LRRC63: variants seen among roughly 807,000 people sequenced by gnomAD.
The protein encoded by LRRC63 is leucine-rich repeat-containing protein 63.
In LRRC63, 40 loss-of-function variants were observed where a neutral mutation model predicts 49.5. The ratio of observed to expected loss-of-function variants is 0.81; its 90% CI spans 0.63 to 1.05. LRRC63 has a LOEUF of 1.05. Ranked by LOEUF, LRRC63 falls within the 50% of genes least tolerant of loss-of-function variation. The pLI, the probability that LRRC63 is intolerant of heterozygous loss-of-function variation, is 0.00. For synonymous variants in LRRC63, 191 were observed against 221.1 expected (o/e 0.86, Z 1.21); for missense variants, 636 against 663.1 (o/e 0.96, Z 0.45).
intron 4 of LRRC63, 136 bp downstream of exon 4, chr13:46,228,869 C>T: frequency 3.4e-6 from 2 of 594,760 alleles, no homozygotes; most frequent in African/African-American, 1.9e-5. Context: ...TCATTTTCAG[C>T]TCCCTAAGTC....
chr13:46,227,930 T>C, exon 3 of LRRC63: 2 of 1,550,624 alleles, frequency 1.3e-6, no homozygotes, highest in Non-Finnish European at 1.7e-6. Flanking sequence ...CAGTTATCGC[T>C]CAAAAACTTG....
chr13:46,237,721 A>C (rs1177614156), intron 5 of LRRC63, among the ~76,000 whole-genome samples: 1 of 152,170 alleles, frequency 6.6e-6, no homozygotes, highest in Non-Finnish European at 1.5e-5. Context: ...TAAAAGAGAG[A>C]GAATGTACAA....
chr13:46,270,181 C>G, intron 9 of LRRC63: 1 of 763,880 alleles, frequency 1.3e-6, no homozygotes, highest in East Asian at 2.5e-5. Flanking sequence ...CTTGTAAGGA[C>G]CACTGTATAC....
At position 46,241,824 on chromosome 13, in the gene LRRC63, T is replaced by C. The variant is rs997807342; in HGVS notation, c.991-4703T>C. 1.5e-4 allele frequency among the ~76,000 whole-genome samples: 23 copies of C among 151,944 alleles called. 1 individual carries two copies. The highest frequency in any genetic ancestry group is 1.4e-3 in the Admixed American group (22 of 15,262). On this transcript the variant is annotated intron_variant, in intron 5 of 9. Coordinates refer to ENST00000595396, the Ensembl canonical transcript of LRRC63. ...ACTAAAAAGAAAAAAAAATAACAGA[T>C]GCTGTTGAGGTTGTGGAGAAAAAGG...
At chr13:46,236,157 A>G (rs2046898090) in intron 5 of LRRC63, among the ~76,000 whole-genome samples, 1 of 152,000 alleles carries the variant, frequency 6.6e-6, no homozygotes, top group South Asian at 2.1e-4. Context: ...AATGAACACA[A>G]CCTAAGGGAC....
chr13:46,228,655 A>G lies in LRRC63; in HGVS notation c.764-10A>G, dbSNP rs2046649065. The stretch of plus-strand genomic sequence containing the variant: ...TCCAAAGTCATCCCATTTGTTTTTC[A>G]TTTTTCTAGAAACTCTTGTAACAGA... On this transcript the variant is annotated splice_polypyrimidine_tract_variant and intron_variant, in intron 3 of 9. Coordinates refer to ENST00000595396, the Ensembl canonical transcript of LRRC63. 6.6e-7 allele frequency: 1 copy of G among 1,521,448 alleles called. No homozygotes were observed. Among genetic ancestry groups the G allele is most frequent in the East Asian group, 2.5e-5 (1 of 40,680 alleles). 94.2% of individuals were successfully genotyped at this position (1,521,448 alleles called of 1,614,324 possible). A position where few individuals can be genotyped will look rare whatever the true frequency, so the allele number is the denominator to read the frequency against.
intron 4 of LRRC63, among the ~76,000 whole-genome samples, chr13:46,229,802 T>C (rs576215754): frequency 6.6e-6 from 1 of 152,134 alleles, no homozygotes; most frequent in African/African-American, 2.4e-5. Context: ...ACTGGATAAT[T>C]TATAGGGAAG....
chr13:46,272,530 CATT>C (rs1441248864), intron 9 of LRRC63, among the ~76,000 whole-genome samples: 1 of 152,126 alleles, frequency 6.6e-6, no homozygotes, highest in Non-Finnish European at 1.5e-5. Context: ...CATCATGTAT[CATT>C]GTTGGTACTA....
chr13:46,227,951 C>T, exon 3 of LRRC63: 1 of 1,550,756 alleles, frequency 6.4e-7, no homozygotes, highest in Non-Finnish European at 8.7e-7. Flanking sequence ...AGAAAATGCA[C>T]CCTAAGCATC....
At chr13:46,228,799 G>A in intron 4 of LRRC63, 66 bp downstream of exon 4, 1 of 1,141,106 alleles carries the variant, frequency 8.8e-7, no homozygotes, top group Non-Finnish European at 1.3e-6. Context: ...AAAAAATTAT[G>A]GGTGATTTTT....
At chr13:46,220,531 G>A (rs1254156252) in intron 2 of LRRC63, among the ~76,000 whole-genome samples, 6 of 152,228 alleles carry the variant, frequency 3.9e-5, no homozygotes, top group Admixed American at 1.3e-4. Context: ...GGATTAGCTT[G>A]CTCAGCTCCA....
intron 8 of LRRC63, among the ~76,000 whole-genome samples, chr13:46,266,202 A>T (rs908956341): frequency 1.3e-5 from 2 of 152,214 alleles, no homozygotes; most frequent in African/African-American, 4.8e-5. Context: ...AAAATAAGAA[A>T]ATCAGTAATG....
At chr13:46,276,731 A>G in exon 10 of LRRC63, 3 of 1,228,764 alleles carry the variant, frequency 2.4e-6, no homozygotes, top group Non-Finnish European at 3.0e-6. Flanking sequence ...GAATAAAGGA[A>G]AGCAGTTTTG....
chr13:46,261,966 T>C, exon 8 of LRRC63: 1 of 1,171,190 alleles, frequency 8.5e-7, no homozygotes, highest in Non-Finnish European at 1.1e-6. Flanking sequence ...AACTTACTTT[T>C]ATTCCAAATG....
chr13:46,231,959 G>T (rs191310582), intron 4 of LRRC63, among the ~76,000 whole-genome samples: 74 of 151,996 alleles, frequency 4.9e-4, no homozygotes, highest in African/African-American at 1.6e-3. Flanking sequence ...AGGACTACAG[G>T]CGCCCGCCAC....
At chr13:46,273,689 A>C (rs548472927) in intron 9 of LRRC63, among the ~76,000 whole-genome samples, 5 of 151,850 alleles carry the variant, frequency 3.3e-5, no homozygotes, top group Admixed American at 1.3e-4. Context: ...GAAGAGGCTG[A>C]TCACCTGAGG....
exon 3 of LRRC63, chr13:46,228,016 G>A: frequency 6.4e-7 from 1 of 1,551,056 alleles, no homozygotes; most frequent in Non-Finnish European, 8.7e-7. Context: ...AGAGACTTAA[G>A]TGCAACAGTG....
chr13:46,212,955 A>G, intron 1 of LRRC63, 47 bp from the exon 2 acceptor site: 1 of 924,690 alleles, frequency 1.1e-6, no homozygotes, highest in Non-Finnish European at 1.6e-6. Flanking sequence ...TTATTTTTCA[A>G]CAATTCAAAC....
At chr13:46,276,622 A>C (rs1009885231) in exon 10 of LRRC63, 26 of 1,230,982 alleles carry the variant, frequency 2.1e-5, no homozygotes, top group Non-Finnish European at 2.6e-5. Context: ...CATGGTCCCA[A>C]GTTTGGTGAA....
Sources: gnomAD v4.1 joint callset for allele counts (sites outside exome capture counted in the v4.1 genomes callset) on GRCh38, gnomAD v4.1.1 for gene constraint, MANE v1.5 for transcripts, NCBI Gene and HGNC (gene_info 2026-07-23, HGNC 2026-07-21) for gene names.